WDFY2: variants seen among roughly 807,000 people sequenced by gnomAD.
WDFY2 encodes the protein WD repeat and FYVE domain-containing protein 2.
Under a neutral mutation model 56.4 loss-of-function variants are expected in WDFY2, and 36 were observed. The observed-to-expected ratio is 0.64, with a 90% CI of 0.49 to 0.84. The LOEUF is 0.84. WDFY2 is among the 40% of genes least tolerant of loss of function. The pLI, the probability that WDFY2 is intolerant of heterozygous loss-of-function variation, is 0.00. For synonymous variants in WDFY2, 176 were observed against 183.7 expected, an observed-to-expected ratio of 0.96 and a Z score of 0.34; for missense variants, 444 against 512.2, an observed-to-expected ratio of 0.87 and a Z score of 1.29.
chr13:51,673,327 G>T (rs1411193835), intron 2 of WDFY2, among the ~76,000 whole-genome samples: 2 of 152,194 alleles, frequency 1.3e-5, no homozygotes, highest in South Asian at 2.1e-4. Flanking sequence ...AATACTTTTA[G>T]ATGGTCAAGT....
chr13:51,683,321 C>A (rs1956009143), intron 3 of WDFY2, among the ~76,000 whole-genome samples: 1 of 152,312 alleles, frequency 6.6e-6, no homozygotes, highest in Middle Eastern at 3.4e-3. Context: ...AGGAATCAGT[C>A]CTGTTGGTAT....
At chr13:51,587,730 T>C (rs887496267) in intron 1 of WDFY2, 2 of 152,222 alleles carry the variant, frequency 1.3e-5, no homozygotes, top group Non-Finnish European at 2.9e-5. Flanking sequence ...TATTGCTTAA[T>C]AAAAACAAAA....
chr13:51,598,905 C>CTTTT (rs569169884), intron 1 of WDFY2, among the ~76,000 whole-genome samples: 12 of 115,742 alleles, frequency 1.0e-4, no homozygotes, highest in East Asian at 2.7e-4. Flanking sequence ...GTGCCATTTA[C>CTTTT]TTTTTTTTTT....
chr13:51,696,754 C>G (rs900506839), intron 3 of WDFY2, among the ~76,000 whole-genome samples: 1 of 152,168 alleles, frequency 6.6e-6, no homozygotes, highest in Non-Finnish European at 1.5e-5. Context: ...AGTCAGTTTA[C>G]TGGACATTTA....
At chr13:51,600,512 C>T (rs1459426390) in intron 1 of WDFY2, among the ~76,000 whole-genome samples, 2 of 152,280 alleles carry the variant, frequency 1.3e-5, no homozygotes, top group East Asian at 1.9e-4. Context: ...ACATGGCTGC[C>T]GGCTGCTCCT....
At chr13:51,650,791 T>C (rs774677322) in intron 1 of WDFY2, among the ~76,000 whole-genome samples, 4 of 152,182 alleles carry the variant, frequency 2.6e-5, no homozygotes, top group Non-Finnish European at 5.9e-5. Context: ...ATAAGCTTTT[T>C]GATGTGTTGC....
rs1953773756 is a variant in WDFY2 at position 51,767,084 on chromosome 13, CG to C, written c.*7319del. The C allele has an allele frequency of 6.6e-6, 1 of 152,250 alleles. No homozygotes were observed. The highest frequency in any genetic ancestry group is 1.5e-5 in the Non-Finnish European group (1 of 68,052). The allele number at this position is 152,250 out of a possible 1,614,324, so 9.4% of individuals were successfully genotyped here. A position where few individuals can be genotyped will look rare whatever the true frequency, so the allele number is the denominator to read the frequency against. On this transcript the variant is annotated 3_prime_UTR_variant, in exon 12 of 12. Transcript: ENST00000298125. ...CTTTTCCAGTGAGGAGAAATGACTTCGGGGCAAACACTGCCAGGGAAAGCCT... is the reference window on the plus strand; with the variant it reads ...CTTTTCCAGTGAGGAGAAATGACTTCGGGCAAACACTGCCAGGGAAAGCCT...
intron 1 of WDFY2, among the ~76,000 whole-genome samples, chr13:51,628,639 C>T (rs1278149739): frequency 5.3e-5 from 8 of 152,190 alleles, no homozygotes; most frequent in Non-Finnish European, 8.8e-5. Context: ...CGGCCTCTTC[C>T]GAGTGGTCCC....
chr13:51,614,003 A>G (rs942249147), intron 1 of WDFY2, among the ~76,000 whole-genome samples: 7 of 151,868 alleles, frequency 4.6e-5, no homozygotes, highest in Middle Eastern at 3.2e-3. Context: ...TGGCTAACAT[A>G]GTGAAACCCC....
At position 51,605,209 on chromosome 13, in the gene WDFY2, C is replaced by G. The variant is rs796129513; in HGVS notation, c.137+20385C>G. Among the ~76,000 whole-genome samples the G allele has an allele frequency of 9.8e-5, 15 of 152,334 alleles. 1 individual carries two copies. The highest frequency in any genetic ancestry group is 3.6e-4 in the African/African-American group (15 of 41,580). On this transcript the variant is annotated intron_variant, in intron 1 of 11. Transcript: ENST00000298125. ...GTGGATTCTGGATCTCTAAGTTGAT[C>G]ATTGTCCACATATGGACAGCACATT...
At chr13:51,614,186 CAAAAAAAAA>C (rs771044291) in intron 1 of WDFY2, among the ~76,000 whole-genome samples, 2 of 60,970 alleles carry the variant, frequency 3.3e-5, no homozygotes, top group African/African-American at 7.0e-5. Context: ...ACTCGGTCTC[CAAAAAAAAA>C]AAAAAAAAAA....
intron 1 of WDFY2, among the ~76,000 whole-genome samples, chr13:51,605,646 TTA>T (rs1220015021): frequency 6.6e-6 from 1 of 152,226 alleles, no homozygotes. Context: ...CATTACATAA[TTA>T]TTACCCGTGA....
chr13:51,658,243 T>C (rs915521639), intron 1 of WDFY2, among the ~76,000 whole-genome samples: 4 of 152,236 alleles, frequency 2.6e-5, no homozygotes, highest in Admixed American at 6.5e-5. Flanking sequence ...TGTTCTGTTA[T>C]GTCTAAAGTC....
intron 11 of WDFY2, 40 bp downstream of exon 11, chr13:51,758,340 C>A: frequency 6.8e-7 from 1 of 1,464,712 alleles, no homozygotes; most frequent in Non-Finnish European, 9.5e-7. Context: ...CATCTTTGGC[C>A]TCATATAAAT....
At chr13:51,654,694 C>G (rs1955474894) in intron 1 of WDFY2, among the ~76,000 whole-genome samples, 1 of 152,158 alleles carries the variant, frequency 6.6e-6, no homozygotes, top group Non-Finnish European at 1.5e-5. Flanking sequence ...TTAAAACTTA[C>G]TTCTAAGGCT....
At chr13:51,709,662 T>G (rs1306976466) in intron 4 of WDFY2, among the ~76,000 whole-genome samples, 1 of 152,106 alleles carries the variant, frequency 6.6e-6, no homozygotes, top group Non-Finnish European at 1.5e-5. Context: ...AACACCTCTA[T>G]GCAAATAAAC....
intron 1 of WDFY2, among the ~76,000 whole-genome samples, chr13:51,608,608 G>C (rs1954427882): frequency 6.6e-6 from 1 of 152,192 alleles, no homozygotes; most frequent in Admixed American, 6.5e-5. Flanking sequence ...TTGCACCTGG[G>C]ACATGGAGGT....
chr13:51,619,650 A>C (rs1174025907), intron 1 of WDFY2, among the ~76,000 whole-genome samples: 1 of 152,248 alleles, frequency 6.6e-6, no homozygotes, highest in African/African-American at 2.4e-5. Flanking sequence ...CTGTTAAAAG[A>C]AAAACTTTAG....
intron 1 of WDFY2, among the ~76,000 whole-genome samples, chr13:51,600,358 G>A (rs1014220414): frequency 7.9e-5 from 12 of 152,296 alleles, no homozygotes; most frequent in African/African-American, 2.4e-4. Flanking sequence ...ATGCATTTGG[G>A]TCTTGGGAAT....
Sources: gnomAD v4.1 joint callset for allele counts (sites outside exome capture counted in the v4.1 genomes callset) on GRCh38, gnomAD v4.1.1 for gene constraint, MANE v1.5 for transcripts, NCBI Gene and HGNC (gene_info 2026-07-23, HGNC 2026-07-21) for gene names.